ACBD5: variants seen among roughly 807,000 people sequenced by gnomAD.
ACBD5 encodes the protein acyl-CoA-binding domain-containing protein 5.
Under a neutral mutation model 71.8 loss-of-function variants are expected in ACBD5, and 40 were observed. The observed-to-expected ratio is 0.56, with a 90% CI of 0.43 to 0.72. ACBD5 has a LOEUF of 0.72. ACBD5 is among the 30% of genes least tolerant of loss of function. The probability of loss-of-function intolerance (pLI) is 0.00; values close to 1 mark genes in which losing one functional copy is unlikely to be tolerated. For synonymous variants in ACBD5, 229 were observed against 218.6 expected, an observed-to-expected ratio of 1.05 and a Z score of -0.42; for missense variants, 559 against 644.5, an observed-to-expected ratio of 0.87 and a Z score of 1.44.
Position 27,240,344 on chromosome 10 carries a change from C to G in ACBD5, c.156G>C (p.Lys52Asn). ...CATTCTTCGGCAAACTCTGGATCAC[C>G]TTCACGGCCGCCTCAAACCTAGTCT... ...VHETRFEAAV[K>N]VIQSLPKNGS... is the part of the protein sequence containing the mutation. The change falls in exon 2 of 13, where the codon AAG (lysine) becomes AAC (asparagine). Residue 52 changes from lysine to asparagine, a missense_variant. Lys to Asn is a moderately conservative substitution (Grantham distance 94, BLOSUM62 0). Coordinates refer to ENST00000396271, the MANE Select transcript of ACBD5 (RefSeq NM_145698.5). This position sits in a 1 kb window ranked among gnomAD's most constrained non-coding sequence, Gnocchi z 4.1. 6.2e-7 allele frequency: 1 copy of G among 1,614,042 alleles called. No homozygotes were observed. The highest frequency in any genetic ancestry group is 8.5e-7 in the Non-Finnish European group (1 of 1,180,012).
At chr10:27,229,185 T>C (rs753674678) in intron 4 of ACBD5, among the ~76,000 whole-genome samples, 43 of 152,052 alleles carry the variant, frequency 2.8e-4, no homozygotes, top group Admixed American at 5.3e-4. Context: ...TTATAAATTA[T>C]GAAAAGTCAC....
intron 13 of ACBD5, chr10:27,186,550 C>G: frequency 6.2e-7 from 1 of 1,611,690 alleles, no homozygotes; most frequent in Non-Finnish European, 8.5e-7. Flanking sequence ...AAAAATTTTC[C>G]TTTTAGTCTA....
At chr10:27,191,196 C>T (rs935528247), downstream of ACBD5, among the ~76,000 whole-genome samples, 1 of 151,946 alleles carries the variant, frequency 6.6e-6, no homozygotes, top group South Asian at 2.1e-4. Context: ...CTGGAAGAAG[C>T]CAGTCTGACA....
At chr10:27,189,843 G>C (rs1430688104) in intron 13 of ACBD5, among the ~76,000 whole-genome samples, 4 of 151,444 alleles carry the variant, frequency 2.6e-5, no homozygotes, top group Admixed American at 1.3e-4. Flanking sequence ...TTTAGAAAAA[G>C]AGTAAAAAGA....
chr10:27,188,448 T>C (rs1305588547), intron 13 of ACBD5, among the ~76,000 whole-genome samples: 1 of 152,286 alleles, frequency 6.6e-6, no homozygotes, highest in South Asian at 2.1e-4. Flanking sequence ...CACTGTATAG[T>C]GGGGATTAAT....
intron 13 of ACBD5, among the ~76,000 whole-genome samples, chr10:27,186,113 G>C (rs1245450555): frequency 1.3e-5 from 2 of 152,098 alleles, no homozygotes; most frequent in South Asian, 2.1e-4. Flanking sequence ...GAGAAAGATA[G>C]GCTTCTAAGT....
At chr10:27,208,126 T>C in intron 10 of ACBD5, 120 bp downstream of exon 10, 1 of 1,056,056 alleles carries the variant, frequency 9.5e-7, no homozygotes, top group Non-Finnish European at 1.4e-6. Flanking sequence ...CAAAACCAAG[T>C]TCTATTTTCT....
downstream of ACBD5, among the ~76,000 whole-genome samples, chr10:27,191,439 T>C (rs1451690384): frequency 6.6e-6 from 1 of 152,156 alleles, no homozygotes; most frequent in Non-Finnish European, 1.5e-5. Flanking sequence ...GGTAATGATA[T>C]GTCCATGTTG....
intron 5 of ACBD5, among the ~76,000 whole-genome samples, 188 bp from the exon 6 acceptor site, chr10:27,220,045 T>C (rs556870141): frequency 6.6e-6 from 1 of 152,314 alleles, no homozygotes; most frequent in African/African-American, 2.4e-5. Context: ...CCTTCAATTA[T>C]CACCTTATGA....
intron 12 of ACBD5, among the ~76,000 whole-genome samples, chr10:27,203,333 G>T (rs1394316368): frequency 6.6e-6 from 1 of 152,030 alleles, no homozygotes; most frequent in Non-Finnish European, 1.5e-5. Context: ...TTGGCCTCAG[G>T]TTATTCCTAA....
chr10:27,205,337 A>G, intron 10 of ACBD5, 89 bp from the exon 11 acceptor site: 2 of 1,370,200 alleles, frequency 1.5e-6, no homozygotes, highest in Non-Finnish European at 2.1e-6. Flanking sequence ...AAAGGCAGAA[A>G]TATTGAGGTT....
intron 2 of ACBD5, among the ~76,000 whole-genome samples, chr10:27,237,260 TG>T (rs1460021669): frequency 6.6e-6 from 1 of 152,198 alleles, no homozygotes; most frequent in Non-Finnish European, 1.5e-5. Flanking sequence ...GTAGTCTGTG[TG>T]TAAGACACTC....
chr10:27,238,081 G>T (rs531674409), intron 2 of ACBD5, among the ~76,000 whole-genome samples: 49 of 152,220 alleles, frequency 3.2e-4, no homozygotes, highest in Non-Finnish European at 6.0e-4. Flanking sequence ...GAGTAGGTGG[G>T]ACTACAGGCG....
chr10:27,211,217 A>G (rs2061042677), intron 8 of ACBD5, 136 bp from the exon 9 acceptor site: 7 of 958,868 alleles, frequency 7.3e-6, no homozygotes, highest in Non-Finnish European at 1.1e-5. Context: ...CTTTTTCTAA[A>G]AAATGTCTTC....
chr10:27,187,087 G>A (rs2058808735), intron 13 of ACBD5, among the ~76,000 whole-genome samples: 1 of 152,006 alleles, frequency 6.6e-6, no homozygotes, highest in Non-Finnish European at 1.5e-5. Context: ...TGATCTTGAG[G>A]TCAGGAGTTC....
chr10:27,237,861 T>C (rs1313218674), intron 2 of ACBD5, among the ~76,000 whole-genome samples: 2 of 152,100 alleles, frequency 1.3e-5, no homozygotes, highest in African/African-American at 4.8e-5. Context: ...TCTCAGGGCC[T>C]GCCTCGATCT....
At chr10:27,194,502 T>C (rs1209159818), downstream of ACBD5, among the ~76,000 whole-genome samples, 2 of 148,080 alleles carry the variant, frequency 1.4e-5, no homozygotes, top group African/African-American at 2.5e-5. Flanking sequence ...ATCCCAGCTA[T>C]GTGGGAGGCT....
In ACBD5 at chr10:27,219,692, C is replaced by T. The variant is rs12243607; in HGVS notation, c.625+31G>A. The T allele has an allele frequency of 0.038, 61,597 of 1,611,798 alleles. 2,206 individuals carry two copies. Among genetic ancestry groups the T allele is most frequent in the African/African-American group, 0.17 (12,699 of 74,898 alleles). On this transcript the variant is annotated intron_variant, in intron 6 of 12. Coordinates refer to ENST00000396271, the MANE Select transcript of ACBD5 (RefSeq NM_145698.5). ...TCATACCCTCTTAGTTTATTTATTGCAAAATTACTAACTGATTTTCCAAAC... is the reference window on the plus strand; with the variant it reads ...TCATACCCTCTTAGTTTATTTATTGTAAAATTACTAACTGATTTTCCAAAC...
At chr10:27,222,503 T>C (rs1037477429) in intron 5 of ACBD5, among the ~76,000 whole-genome samples, 2 of 152,212 alleles carry the variant, frequency 1.3e-5, no homozygotes, top group African/African-American at 4.8e-5. Flanking sequence ...ATTAACTGTC[T>C]TGCATTAGCT....
Sources: gnomAD v4.1 joint callset for allele counts (sites outside exome capture counted in the v4.1 genomes callset) on GRCh38, gnomAD v4.1.1 for gene constraint, Gnocchi (gnomAD v3.1) non-coding constraint, MANE v1.5 for transcripts, NCBI Gene and HGNC (gene_info 2026-07-23, HGNC 2026-07-21) for gene names.